CAST: variants seen among roughly 807,000 people sequenced by gnomAD.
CAST encodes the protein calpastatin.
A neutral mutation model predicts 119.6 loss-of-function variants in CAST; 76 were observed. That is an observed-to-expected ratio of 0.64 (90% confidence interval 0.53 to 0.77). The LOEUF (loss-of-function observed/expected upper bound fraction) is 0.77. Among genes scored for constraint, CAST ranks in the 30% least tolerant of loss-of-function variants. The pLI, the probability that CAST is intolerant of heterozygous loss-of-function variation, is 0.00. For synonymous variants in CAST, 319 were observed against 331.6 expected (o/e 0.96, Z 0.41); for missense variants, 953 against 946.5 (o/e 1.01, Z -0.09).
intron 1 of CAST, among the ~76,000 whole-genome samples, chr5:96,540,430 T>C (rs941672595): frequency 6.6e-6 from 1 of 152,120 alleles, no homozygotes; most frequent in Non-Finnish European, 1.5e-5. Flanking sequence ...TTGCAGTAAC[T>C]TTTTATTAAT....
rs113285740 is a variant in CAST at position 96,722,646 on chromosome 5, C to T, written c.218C>T (p.Ala73Val). The T allele has an allele frequency of 1.1e-5, 17 of 1,612,060 alleles. No homozygotes were observed. Among genetic ancestry groups the T allele is most frequent in the African/African-American group, 1.3e-5 (1 of 74,890 alleles). Residue 73 changes from alanine to valine, a missense_variant, in exon 4 of 32, where the codon GCT (alanine) becomes GTT (valine). Physicochemically the swap from Ala to Val is moderately conservative, Grantham distance 64 (BLOSUM62 0). Transcript: ENST00000675179. ...TCTTTCTTTCCTTTCTAGGTGTCAG[C>T]TTCCTCTGGTGCAACCAGCAAGTCT... ...GGTASATKVS[A>V]SSGATSKSSS...
chr5:96,270,112 T>A, the CAST span, among the ~76,000 whole-genome samples: 2 of 152,086 alleles, frequency 1.3e-5, no homozygotes, highest in Admixed American at 1.3e-4. Flanking sequence ...ACATGATACA[T>A]CACATTAACA....
At chr5:96,682,877 C>CT (rs113901516) in intron 2 of CAST, among the ~76,000 whole-genome samples, 223 of 152,208 alleles carry the variant, frequency 1.5e-3, no homozygotes, top group African/African-American at 4.6e-3. Flanking sequence ...GCTAATGCGG[C>CT]TTTTTTTACC....
At chr5:96,741,762 C>G (rs1366156071) in intron 15 of CAST, 182 bp downstream of exon 15, 2 of 556,426 alleles carry the variant, frequency 3.6e-6, no homozygotes, top group Non-Finnish European at 6.6e-6. Context: ...TTGTGTGTTT[C>G]TGTAACTGCT....
chr5:96,374,006 CG>C, the CAST span, among the ~76,000 whole-genome samples: 1 of 152,108 alleles, frequency 6.6e-6, no homozygotes, highest in East Asian at 1.9e-4. Flanking sequence ...GTTCTGATTG[CG>C]GGCAGCAGTA....
chr5:96,458,612 TA>T, the CAST span, among the ~76,000 whole-genome samples: 1 of 152,168 alleles, frequency 6.6e-6, no homozygotes, highest in Non-Finnish European at 1.5e-5. Flanking sequence ...CTTACACAGT[TA>T]GAGGCTCAGG....
At chr5:96,452,918 C>A in the CAST span, among the ~76,000 whole-genome samples, 1 of 124,354 alleles carries the variant, frequency 8.0e-6, no homozygotes, top group Non-Finnish European at 1.6e-5. Context: ...CCACTGCAGT[C>A]CGCAGTCCGG....
At chr5:96,467,431 A>T in the CAST span, among the ~76,000 whole-genome samples, 1 of 151,936 alleles carries the variant, frequency 6.6e-6, no homozygotes, top group African/African-American at 2.4e-5. Flanking sequence ...AAAATTTCCC[A>T]TGTTTTTCTT....
the CAST span, among the ~76,000 whole-genome samples, chr5:96,510,625 A>G: frequency 2.4e-4 from 36 of 152,356 alleles, 1 homozygote; most frequent in Admixed American, 1.2e-3. Flanking sequence ...CAAACAAGCC[A>G]ACTGCAGAAA....
At chr5:96,358,901 C>T in the CAST span, among the ~76,000 whole-genome samples, 1 of 152,086 alleles carries the variant, frequency 6.6e-6, no homozygotes, top group Admixed American at 6.5e-5. Context: ...TGTTAATTTT[C>T]TGTCTCGTTG....
the CAST span, among the ~76,000 whole-genome samples, chr5:96,125,160 G>T: frequency 6.6e-6 from 1 of 152,146 alleles, no homozygotes; most frequent in Non-Finnish European, 1.5e-5. Context: ...TATTTAGAAA[G>T]ATTCTGCAGC....
At chr5:96,507,685 T>C in the CAST span, among the ~76,000 whole-genome samples, 1 of 152,186 alleles carries the variant, frequency 6.6e-6, no homozygotes, top group Non-Finnish European at 1.5e-5. Context: ...CCCAGGGTGC[T>C]CTGTCCTCCT....
intron 1 of CAST, among the ~76,000 whole-genome samples, chr5:96,608,052 C>T (rs1318609293): frequency 6.6e-6 from 1 of 152,058 alleles, no homozygotes; most frequent in African/African-American, 2.4e-5. Context: ...GACACCAGAA[C>T]TTATTGCTCC....
chr5:96,394,728 A>G, the CAST span: 1 of 771,578 alleles, frequency 1.3e-6, no homozygotes, highest in Non-Finnish European at 2.3e-6. Context: ...GGAAAAGAAT[A>G]GTTTACCACT....
At chr5:96,478,908 C>G in the CAST span, among the ~76,000 whole-genome samples, 1 of 152,138 alleles carries the variant, frequency 6.6e-6, no homozygotes, top group Non-Finnish European at 1.5e-5. Context: ...AGCGCACTGG[C>G]CAGGTCACAG....
intron 1 of CAST, among the ~76,000 whole-genome samples, chr5:96,654,606 C>T (rs1401416998): frequency 3.3e-5 from 5 of 152,134 alleles, no homozygotes; most frequent in Non-Finnish European, 5.9e-5. Flanking sequence ...TCTAGACATA[C>T]ACAGCATAAG....
At chr5:96,079,219 C>A in the CAST span, 6 of 411,338 alleles carry the variant, frequency 1.5e-5, no homozygotes, top group Non-Finnish European at 2.4e-5. Flanking sequence ...TGGTACTTTC[C>A]CCTGGGCCCC....
chr5:96,528,678 A>C (rs1465811304), upstream of CAST, among the ~76,000 whole-genome samples: 1 of 152,204 alleles, frequency 6.6e-6, no homozygotes, highest in African/African-American at 2.4e-5. Flanking sequence ...GTATTATGAT[A>C]ATTTCTGAGA....
At chr5:96,032,416 TGGA>T in the CAST span, among the ~76,000 whole-genome samples, 1 of 152,146 alleles carries the variant, frequency 6.6e-6, no homozygotes, top group African/African-American at 2.4e-5. Flanking sequence ...TTACTACCTG[TGGA>T]GGAGATTTGA....
Sources: gnomAD v4.1 joint callset for allele counts (sites outside exome capture counted in the v4.1 genomes callset) on GRCh38, gnomAD v4.1.1 for gene constraint, MANE v1.5 for transcripts, NCBI Gene and HGNC (gene_info 2026-07-23, HGNC 2026-07-21) for gene names.